Variants in CAST observed in about 807,000 individuals in gnomAD.
CAST encodes the protein MIR583 host.
In CAST, 76 loss-of-function variants were observed where a neutral mutation model predicts 119.6. The observed-to-expected ratio is 0.64, with a 90% CI of 0.53 to 0.77. The LOEUF (loss-of-function observed/expected upper bound fraction) is 0.77, where lower values mean the gene tolerates loss of function less well. Among genes scored for constraint, CAST ranks in the 30% least tolerant of loss-of-function variants. The probability of loss-of-function intolerance (pLI) is 0.00; values close to 1 mark genes in which losing one functional copy is unlikely to be tolerated. For missense variants in CAST, 953 were observed against 946.5 expected (o/e 1.01, Z -0.09); for synonymous variants, 319 against 331.6 (o/e 0.96, Z 0.41).
chr5:96,731,651 C>A (rs534907497), intron 9 of CAST, among the ~76,000 whole-genome samples: 1 of 150,680 alleles, frequency 6.6e-6, no homozygotes. Flanking sequence ...ATCCCTCCCC[C>A]CTCTCCCCAC....
the CAST span, chr5:96,393,115 A>G: frequency 6.2e-7 from 1 of 1,614,184 alleles, no homozygotes; most frequent in Non-Finnish European, 8.5e-7. Flanking sequence ...GACTGTCTTC[A>G]GAGTCTTTAA....
At chr5:96,084,262 T>A in the CAST span, among the ~76,000 whole-genome samples, 3 of 152,292 alleles carry the variant, frequency 2.0e-5, no homozygotes, top group Admixed American at 1.3e-4. Context: ...GGCTGAACAC[T>A]GCAGGGATCT....
At chr5:96,374,103 C>T in the CAST span, among the ~76,000 whole-genome samples, 2 of 152,164 alleles carry the variant, frequency 1.3e-5, no homozygotes, top group East Asian at 1.9e-4. Context: ...AAACCTGCTA[C>T]ACTTCAAAGT....
the CAST span, among the ~76,000 whole-genome samples, chr5:96,388,122 C>T: frequency 2.6e-5 from 4 of 152,200 alleles, no homozygotes; most frequent in East Asian, 3.8e-4. Flanking sequence ...AAGTGGCACA[C>T]ATGGTAGAGA....
the CAST span, chr5:96,399,869 C>A: frequency 9.2e-7 from 1 of 1,088,118 alleles, no homozygotes. Context: ...AGGGTAGATA[C>A]AAAAAAATCA....
the CAST span, among the ~76,000 whole-genome samples, chr5:96,021,026 T>C: frequency 6.6e-6 from 1 of 152,166 alleles, no homozygotes; most frequent in African/African-American, 2.4e-5. Flanking sequence ...TTTAAAAATA[T>C]GTCATTGAAA....
the CAST span, among the ~76,000 whole-genome samples, chr5:96,146,710 C>G: frequency 6.6e-6 from 1 of 152,048 alleles, no homozygotes; most frequent in African/African-American, 2.4e-5. Flanking sequence ...GGTAACTAAC[C>G]CTAGTGCTGC....
chr5:96,328,412 T>C, the CAST span, among the ~76,000 whole-genome samples: 1 of 148,918 alleles, frequency 6.7e-6, no homozygotes, highest in African/African-American at 2.6e-5. Context: ...TCTCTCTCTC[T>C]CTCTCTCTCT....
the CAST span, among the ~76,000 whole-genome samples, chr5:96,052,832 C>CT: frequency 6.6e-6 from 1 of 152,188 alleles, no homozygotes; most frequent in Non-Finnish European, 1.5e-5. Context: ...GGAAGTAGCT[C>CT]TTGCTTAAAA....
chr5:96,241,014 G>A, the CAST span, among the ~76,000 whole-genome samples: 5 of 151,840 alleles, frequency 3.3e-5, no homozygotes, highest in Admixed American at 6.6e-5. Flanking sequence ...TATATGATAA[G>A]CATGTATTTG....
At chr5:96,351,402 A>G in the CAST span, among the ~76,000 whole-genome samples, 1 of 152,156 alleles carries the variant, frequency 6.6e-6, no homozygotes. Context: ...GTCTCTACAC[A>G]TTGCTTCAGC....
At chr5:96,695,183 G>C (rs1199446538) in intron 2 of CAST, among the ~76,000 whole-genome samples, 1 of 152,100 alleles carries the variant, frequency 6.6e-6, no homozygotes, top group Non-Finnish European at 1.5e-5. Flanking sequence ...GATAACAATA[G>C]TATTAGGTTT....
At chr5:96,365,553 C>G in the CAST span, among the ~76,000 whole-genome samples, 928 of 152,138 alleles carry the variant, frequency 6.1e-3, 15 homozygotes, top group African/African-American at 0.021. Context: ...TCTTCTTGTT[C>G]AATTGATCCC....
the CAST span, among the ~76,000 whole-genome samples, chr5:96,494,772 A>G: frequency 1.3e-5 from 2 of 152,322 alleles, no homozygotes; most frequent in South Asian, 2.1e-4. Context: ...CAATCATTAA[A>G]TGATTTTAGC....
At chr5:96,620,824 C>T (rs770173515) in intron 1 of CAST, among the ~76,000 whole-genome samples, 2 of 152,156 alleles carry the variant, frequency 1.3e-5, no homozygotes, top group Non-Finnish European at 2.9e-5. Context: ...AAATGCTCTT[C>T]TTTCTTCAAA....
At chr5:96,613,159 G>A (rs1747393270) in intron 1 of CAST, among the ~76,000 whole-genome samples, 1 of 152,086 alleles carries the variant, frequency 6.6e-6, no homozygotes, top group African/African-American at 2.4e-5. Context: ...TTCTCTTTCA[G>A]AATTTTCTAT....
chr5:96,387,667 C>T, the CAST span, among the ~76,000 whole-genome samples: 3 of 152,184 alleles, frequency 2.0e-5, no homozygotes, highest in African/African-American at 7.2e-5. Context: ...ATGAATGTGA[C>T]TATGAACTGG....
chr5:96,314,874 T>A, the CAST span, among the ~76,000 whole-genome samples: 493 of 152,326 alleles, frequency 3.2e-3, 1 homozygote, highest in Non-Finnish European at 6.2e-3. Flanking sequence ...GACTGACCCT[T>A]TAAATTTGCA....
At chr5:96,434,616 T>TTTG in the CAST span, among the ~76,000 whole-genome samples, 10 of 142,582 alleles carry the variant, frequency 7.0e-5, no homozygotes, top group East Asian at 2.2e-4. Flanking sequence ...TGTTTTTTTT[T>TTTG]TTGTTGTTGT....
Sources: allele counts gnomAD v4.1 joint callset (sites outside exome capture counted in the v4.1 genomes callset), GRCh38; gene constraint gnomAD v4.1.1; transcripts MANE v1.5; gene names NCBI Gene and HGNC (gene_info 2026-07-23, HGNC 2026-07-21).